ICA1L: variants seen among roughly 807,000 people sequenced by gnomAD.
ICA1L encodes the protein islet cell autoantigen 1-like protein.
ICA1L carries 50 observed loss-of-function variants against 61.3 expected under a neutral mutation model. The ratio of observed to expected loss-of-function variants is 0.82; its 90% CI spans 0.65 to 1.03. The LOEUF (loss-of-function observed/expected upper bound fraction) is 1.03, where lower values mean the gene tolerates loss of function less well. ICA1L is among the 50% of genes least tolerant of loss of function. The probability of loss-of-function intolerance (pLI) is 0.00; values close to 1 mark genes in which losing one functional copy is unlikely to be tolerated. For synonymous variants in ICA1L, 161 were observed against 191.3 expected (o/e 0.84, Z 1.31); for missense variants, 508 against 556.7 (o/e 0.91, Z 0.88).
chr2:202,818,562 C>T (rs1466960528), intron 5 of ICA1L, among the ~76,000 whole-genome samples: 1 of 152,126 alleles, frequency 6.6e-6, no homozygotes, highest in Non-Finnish European at 1.5e-5. Context: ...TGAATTCCCA[C>T]ATGTTATGGG....
Position 202,816,013 on chromosome 2 carries a change from CA to C in ICA1L, c.685-5del. 3.2e-6 allele frequency: 5 copies of C among 1,575,888 alleles called. No individual in the cohort carries two copies. Among genetic ancestry groups the C allele is most frequent in the East Asian group, 2.3e-5 (1 of 43,280 alleles). ...TCCAGAATCCAAGCAGTGTTCTCTG[CA>C]AAAAAAGAAAAGGTGACACTACAGT... On this transcript the variant is annotated splice_region_variant and splice_polypyrimidine_tract_variant and intron_variant, in intron 6 of 12. Coordinates refer to ENST00000358299, the MANE Select transcript of ICA1L (RefSeq NM_001288622.3).
At chr2:202,838,649 G>T (rs901509502) in intron 1 of ICA1L, among the ~76,000 whole-genome samples, 5 of 152,092 alleles carry the variant, frequency 3.3e-5, no homozygotes, top group Non-Finnish European at 7.4e-5. Flanking sequence ...TTGATGAATT[G>T]ATCCCTTTTC....
intron 1 of ICA1L, chr2:202,871,108 T>A (rs1310038357): frequency 1.3e-5 from 2 of 151,900 alleles, no homozygotes; most frequent in East Asian, 3.8e-4. Context: ...TGCCAATTAG[T>A]TTCTAAGGAA....
At chr2:202,865,107 G>A (rs562553769) in intron 1 of ICA1L, among the ~76,000 whole-genome samples, 6 of 151,728 alleles carry the variant, frequency 4.0e-5, no homozygotes, top group Admixed American at 3.3e-4. Context: ...AGGTTGCAGT[G>A]AGCTGAGATC....
intron 9 of ICA1L, among the ~76,000 whole-genome samples, chr2:202,803,400 C>CAAAAAAAAAAA (rs71030990): frequency 1.6e-5 from 1 of 60,662 alleles, no homozygotes; most frequent in Non-Finnish European, 3.0e-5. Flanking sequence ...GACTCGATCT[C>CAAAAAAAAAAA]AAAAAAAAAA....
At position 202,788,895 on chromosome 2, in the gene ICA1L, TGAGC is replaced by T; in HGVS notation, c.1174_1177del (p.Ala392IlefsTer50). 1 of 1,614,118 alleles carries T rather than the reference TGAGC, an allele frequency of 6.2e-7. No individual in the cohort carries two copies. The highest frequency in any genetic ancestry group is 2.2e-5 in the East Asian group (1 of 44,886). On this transcript the variant is annotated frameshift_variant, in exon 11 of 13. Transcript: ENST00000358299. LOFTEE classifies it high-confidence loss of function. ...TTGTGAAGGAAGGAATCGAGAAGAATGAGCGAGGGGCTCAGACCCCATGGAAGGC... is the reference window on the plus strand; with the variant it reads ...TTGTGAAGGAAGGAATCGAGAAGAATGAGGGGCTCAGACCCCATGGAAGGC...
chr2:202,848,572 A>G (rs867068797), intron 1 of ICA1L, among the ~76,000 whole-genome samples: 41 of 152,228 alleles, frequency 2.7e-4, no homozygotes, highest in African/African-American at 9.9e-4. Flanking sequence ...TGCACAGCCC[A>G]CAAAGCAAAA....
At chr2:202,810,257 A>G (rs1693337039) in intron 9 of ICA1L, among the ~76,000 whole-genome samples, 1 of 152,232 alleles carries the variant, frequency 6.6e-6, no homozygotes, top group Admixed American at 6.5e-5. Flanking sequence ...ATATCCTCCA[A>G]AAATTGTTGT....
At chr2:202,847,616 T>C (rs1559146762) in intron 1 of ICA1L, among the ~76,000 whole-genome samples, 2 of 151,096 alleles carry the variant, frequency 1.3e-5, no homozygotes. Context: ...GGAATAGAAA[T>C]TGCTGGCACT....
At chr2:202,806,056 C>CTGTG (rs1269318993) in intron 9 of ICA1L, among the ~76,000 whole-genome samples, 3 of 152,116 alleles carry the variant, frequency 2.0e-5, no homozygotes, top group Admixed American at 1.3e-4. Context: ...CGGCCAGGCA[C>CTGTG]TGTGGCTCAC....
At chr2:202,862,272 CAAAAAAAAAAAAAAAAAAAAA>C (rs778355110) in intron 1 of ICA1L, among the ~76,000 whole-genome samples, 1 of 62,978 alleles carries the variant, frequency 1.6e-5, no homozygotes, top group Non-Finnish European at 2.6e-5. Flanking sequence ...CTCATTTCTA[CAAAAAAAAAAAAAAAAAAAAA>C]AAAAAAAAAA....
chr2:202,841,626 C>T (rs899487106), intron 1 of ICA1L: 2 of 632,604 alleles, frequency 3.2e-6, no homozygotes, highest in Non-Finnish European at 6.0e-6. Flanking sequence ...CCACCCAGGA[C>T]ACCCCGAAAG....
At chr2:202,871,535 G>C (rs1687716367) in intron 1 of ICA1L, 84 bp downstream of exon 1, 1 of 152,168 alleles carries the variant, frequency 6.6e-6, no homozygotes, top group African/African-American at 2.4e-5. Context: ...TCCCGGCGTC[G>C]CCATGGGAAC....
At chr2:202,791,986 A>G (rs1019281577) in intron 10 of ICA1L, among the ~76,000 whole-genome samples, 9 of 152,052 alleles carry the variant, frequency 5.9e-5, no homozygotes, top group African/African-American at 2.2e-4. Flanking sequence ...TGGCCAACAT[A>G]GTGAAACTCC....
chr2:202,869,465 CAAT>C (rs1687631614), intron 1 of ICA1L: 2 of 152,012 alleles, frequency 1.3e-5, no homozygotes, highest in Non-Finnish European at 2.9e-5. Flanking sequence ...AAAACACATG[CAAT>C]AATAGACATG....
At chr2:202,816,066 G>T in intron 6 of ICA1L, 57 bp from the exon 7 acceptor site, 1 of 1,104,896 alleles carries the variant, frequency 9.1e-7, no homozygotes, top group Non-Finnish European at 1.3e-6. Context: ...GATTTTTTAA[G>T]TGCTATATTT....
chr2:202,803,770 C>T (rs561923207), intron 9 of ICA1L, among the ~76,000 whole-genome samples: 3 of 152,196 alleles, frequency 2.0e-5, no homozygotes, highest in Admixed American at 6.5e-5. Flanking sequence ...TCAGGCCATC[C>T]GCCTGCCTGA....
rs1692111399 is a variant in ICA1L, at chr2:202,773,321, A to G, written c.*6212T>C. On this transcript the variant is annotated 3_prime_UTR_variant, in exon 13 of 13. Coordinates refer to ENST00000358299, the MANE Select transcript of ICA1L (RefSeq NM_001288622.3). ...TGCATTTCTTTCCCTTAGAGGGACT[A>G]TTCCAACATCACTCCTTTGGAATTA... 1 of 155,160 alleles carries G rather than the reference A, an allele frequency of 6.4e-6. No individual in the cohort carries two copies. The highest frequency in any genetic ancestry group is 1.4e-5 in the Non-Finnish European group (1 of 69,892). The allele number at this position is 155,160 out of a possible 1,614,324, so 9.6% of individuals were successfully genotyped here.
At chr2:202,841,289 C>G (rs1694322898) in intron 1 of ICA1L, 1 of 743,928 alleles carries the variant, frequency 1.3e-6, no homozygotes, top group Admixed American at 1.7e-5. Flanking sequence ...TGTTGCCAAG[C>G]TCTGCCTCCA....
Sources: gnomAD v4.1 joint callset for allele counts (sites outside exome capture counted in the v4.1 genomes callset) on GRCh38, gnomAD v4.1.1 for gene constraint, MANE v1.5 for transcripts, NCBI Gene and HGNC (gene_info 2026-07-23, HGNC 2026-07-21) for gene names.